OXR1: variants seen among roughly 807,000 people sequenced by gnomAD.
The protein encoded by OXR1 is oxidation resistance protein 1.
OXR1 carries 41 observed loss-of-function variants against 104.6 expected under a neutral mutation model. The observed-to-expected ratio is 0.39, with a 90% CI of 0.31 to 0.51. The LOEUF is 0.51. OXR1 is among the 20% of genes least tolerant of loss of function. The pLI, the probability that OXR1 is intolerant of heterozygous loss-of-function variation, is 0.77. For synonymous variants in OXR1, 348 were observed against 348.4 expected, an observed-to-expected ratio of 1.00 and a Z score of 0.01; for missense variants, 955 against 1,031.9, an observed-to-expected ratio of 0.93 and a Z score of 1.02.
intron 3 of OXR1, among the ~76,000 whole-genome samples, chr8:106,586,329 AAG>A (rs1421096417): frequency 1.3e-5 from 2 of 152,162 alleles, no homozygotes; most frequent in Non-Finnish European, 2.9e-5. Context: ...AAGAAAAAAA[AAG>A]AGAGAAGAAA....
chr8:106,619,339 GAC>G (rs1821503334), intron 3 of OXR1, among the ~76,000 whole-genome samples: 1 of 152,002 alleles, frequency 6.6e-6, no homozygotes, highest in Non-Finnish European at 1.5e-5. Context: ...CATATCATAA[GAC>G]AATTTATTTA....
intron 3 of OXR1, among the ~76,000 whole-genome samples, chr8:106,616,353 G>A (rs1040858427): frequency 1.3e-5 from 2 of 149,094 alleles, no homozygotes; most frequent in South Asian, 2.1e-4. Context: ...GAGCCACCGC[G>A]CCCAGCCAAA....
At chr8:106,297,901 G>A (rs1813066174) in intron 1 of OXR1, among the ~76,000 whole-genome samples, 1 of 152,194 alleles carries the variant, frequency 6.6e-6, no homozygotes, top group African/African-American at 2.4e-5. Context: ...AATGAATATG[G>A]AGCAAATGTT....
intron 3 of OXR1, among the ~76,000 whole-genome samples, chr8:106,675,120 T>C (rs547852089): frequency 1.3e-5 from 2 of 152,290 alleles, no homozygotes; most frequent in Non-Finnish European, 2.9e-5. Flanking sequence ...CAGGAAGATA[T>C]AATTTTCGAT....
intron 3 of OXR1, among the ~76,000 whole-genome samples, chr8:106,582,357 C>T (rs570658604): frequency 2.0e-5 from 3 of 151,924 alleles, no homozygotes; most frequent in South Asian, 4.2e-4. Flanking sequence ...AAACTAAAAA[C>T]AAAGCACTTG....
intron 2 of OXR1, among the ~76,000 whole-genome samples, chr8:106,457,444 T>C (rs562624325): frequency 3.9e-5 from 6 of 152,262 alleles, no homozygotes; most frequent in Non-Finnish European, 8.8e-5. Flanking sequence ...TATTCTCTTA[T>C]AGCAGCAAAA....
At chr8:106,495,518 A>G (rs1245042459) in intron 2 of OXR1, among the ~76,000 whole-genome samples, 7 of 152,194 alleles carry the variant, frequency 4.6e-5, no homozygotes, top group Non-Finnish European at 1.0e-4. Context: ...GTTGTAGGGA[A>G]TTTTGAGTGC....
intron 2 of OXR1, among the ~76,000 whole-genome samples, chr8:106,406,996 G>C (rs1224586578): frequency 6.6e-6 from 1 of 152,126 alleles, no homozygotes; most frequent in Non-Finnish European, 1.5e-5. Context: ...GTGCGAGAGT[G>C]GGAGCAGGGG....
chr8:106,698,051 G>A (rs894219073), intron 7 of OXR1: 26 of 1,456,064 alleles, frequency 1.8e-5, no homozygotes, highest in East Asian at 6.8e-5. Flanking sequence ...GCGTTCAAAC[G>A]GGCTGGAGAG....
chr8:106,618,041 AG>A, intron 3 of OXR1: 2 of 1,526,204 alleles, frequency 1.3e-6, no homozygotes, highest in Non-Finnish European at 1.8e-6. Context: ...CGGGAGGAGA[AG>A]GCACTCTGGC....
intron 2 of OXR1, among the ~76,000 whole-genome samples, chr8:106,445,219 G>T (rs560492491): frequency 6.6e-6 from 1 of 152,130 alleles, no homozygotes; most frequent in Non-Finnish European, 1.5e-5. Flanking sequence ...TAACCTCATG[G>T]ACTAGTGATA....
intron 3 of OXR1, among the ~76,000 whole-genome samples, chr8:106,611,731 C>T (rs745816470): frequency 2.6e-4 from 40 of 152,256 alleles, no homozygotes; most frequent in Non-Finnish European, 4.6e-4. Context: ...TAACTTAGAA[C>T]ATCTTTATTC....
chr8:106,544,488 T>A (rs1815197007), intron 3 of OXR1, among the ~76,000 whole-genome samples: 2 of 152,188 alleles, frequency 1.3e-5, no homozygotes, highest in Admixed American at 1.3e-4. Flanking sequence ...TATATCTGAT[T>A]TGTTGTCTAT....
intron 1 of OXR1, among the ~76,000 whole-genome samples, chr8:106,297,218 G>GATTTT (rs1813034783): frequency 6.6e-6 from 1 of 151,992 alleles, no homozygotes; most frequent in Non-Finnish European, 1.5e-5. Context: ...AATGGACTCA[G>GATTTT]ATTTTATTTT....
intron 7 of OXR1, among the ~76,000 whole-genome samples, chr8:106,701,132 A>G (rs2131347898): frequency 6.6e-6 from 1 of 152,296 alleles, no homozygotes. Flanking sequence ...ATCTCATTAA[A>G]ATATTAATTG....
chr8:106,734,452 A>G lies in OXR1; in HGVS notation c.1957-3068A>G, dbSNP rs367953906. Among the ~76,000 whole-genome samples, 11 of 152,116 alleles carry G rather than the reference A, an allele frequency of 7.2e-5. No homozygotes were observed. The East Asian group carries it at 1.9e-3, about 27-fold the overall frequency. The stretch of plus-strand genomic sequence containing the variant: ...GTATTTCTTTTTCTCTTGCATTTCC[A>G]TTTACTGAGAAAGTAGTAAAAATGG... On this transcript the variant is annotated intron_variant, in intron 11 of 16. Transcript: ENST00000517566.
At chr8:106,693,260 A>G (rs926044673) in intron 7 of OXR1, among the ~76,000 whole-genome samples, 2 of 152,030 alleles carry the variant, frequency 1.3e-5, no homozygotes, top group African/African-American at 2.4e-5. Context: ...TATGCCAGAG[A>G]GTATTTGAGG....
chr8:106,583,147 G>A (rs1818377544), intron 3 of OXR1, among the ~76,000 whole-genome samples: 1 of 151,970 alleles, frequency 6.6e-6, no homozygotes, highest in Non-Finnish European at 1.5e-5. Context: ...TTTTCCTTAA[G>A]CTTTAAGGGC....
intron 2 of OXR1, among the ~76,000 whole-genome samples, chr8:106,460,496 C>T (rs974558914): frequency 1.3e-5 from 2 of 152,136 alleles, no homozygotes; most frequent in African/African-American, 4.8e-5. Context: ...AGTATTTGCA[C>T]CAAGTAAAGT....
Sources: allele counts gnomAD v4.1 joint callset (sites outside exome capture counted in the v4.1 genomes callset), GRCh38; gene constraint gnomAD v4.1.1; transcripts MANE v1.5; gene names NCBI Gene and HGNC (gene_info 2026-07-23, HGNC 2026-07-21).